SLC2A9: variants seen among roughly 807,000 people sequenced by gnomAD.
SLC2A9 encodes the protein solute carrier family 2 member 9, also known as solute carrier family 2, facilitated glucose transporter member 9.
A neutral mutation model predicts 50.6 loss-of-function variants in SLC2A9; 39 were observed. The ratio of observed to expected loss-of-function variants is 0.77; its 90% CI spans 0.60 to 1.01. SLC2A9 has a LOEUF of 1.01. Ranked by LOEUF, SLC2A9 falls within the 50% of genes least tolerant of loss-of-function variation. The pLI is 0.00. For missense variants in SLC2A9, 686 were observed against 677.6 expected (o/e 1.01, Z -0.14); for synonymous variants, 324 against 276.9 (o/e 1.17, Z -1.69).
chr4:10,026,002 T>C (rs546893465), upstream of SLC2A9: 24 of 1,607,802 alleles, frequency 1.5e-5, no homozygotes, highest in South Asian at 2.4e-4. Context: ...TTGTTGTTAT[T>C]GTTTCTGAGA....
At chr4:9,909,960 T>C (rs1741397218) in intron 7 of SLC2A9, among the ~76,000 whole-genome samples, 1 of 152,248 alleles carries the variant, frequency 6.6e-6, no homozygotes, top group Admixed American at 6.5e-5. Context: ...CTTGTTTCTA[T>C]AGATCTGTTT....
intron 3 of SLC2A9, chr4:9,995,642 G>A (rs1019963957): frequency 6.6e-6 from 1 of 152,162 alleles, no homozygotes; most frequent in Admixed American, 6.5e-5. Context: ...GTGATGTCAA[G>A]GTGATGATGA....
At chr4:9,808,655 C>T (rs1176516849) in intron 3 of SLC2A9, among the ~76,000 whole-genome samples, 2 of 152,232 alleles carry the variant, frequency 1.3e-5, no homozygotes, top group Non-Finnish European at 2.9e-5. Context: ...CAGCATCTTG[C>T]ACCCACAGAT....
intron 10 of SLC2A9, among the ~76,000 whole-genome samples, chr4:9,843,068 A>G (rs1449071970): frequency 6.6e-6 from 1 of 152,148 alleles, no homozygotes; most frequent in Admixed American, 6.5e-5. Context: ...TTTATCCACC[A>G]TGTCTCATCA....
At chr4:10,032,033 T>C (rs1387234773) in intron 1 of SLC2A9, among the ~76,000 whole-genome samples, 3 of 152,232 alleles carry the variant, frequency 2.0e-5, no homozygotes, top group Admixed American at 6.5e-5. Flanking sequence ...ATGGTGTATA[T>C]TGAGCACCTA....
chr4:9,977,133 G>T (rs1237356655), intron 5 of SLC2A9, among the ~76,000 whole-genome samples: 1 of 152,062 alleles, frequency 6.6e-6, no homozygotes, highest in Admixed American at 6.6e-5. Flanking sequence ...CCATGCTGCA[G>T]GCCAAAAGCC....
chr4:9,785,851 AGGCAGGGGTAATT>A (rs1378436698), intron 3 of SLC2A9, among the ~76,000 whole-genome samples: 2 of 152,228 alleles, frequency 1.3e-5, no homozygotes, highest in Non-Finnish European at 2.9e-5. Context: ...AGATAACGCC[AGGCAGGGGTAATT>A]GCTATGTTGC....
intron 11 of SLC2A9, among the ~76,000 whole-genome samples, chr4:9,829,117 G>C (rs1450704270): frequency 6.6e-6 from 1 of 152,102 alleles, no homozygotes; most frequent in Non-Finnish European, 1.5e-5. Flanking sequence ...AAGAACATGT[G>C]GCTCAGCCGA....
chr4:9,937,882 G>A (rs75919207), intron 6 of SLC2A9, among the ~76,000 whole-genome samples: 1,593 of 152,258 alleles, frequency 0.01, 21 homozygotes, highest in African/African-American at 0.036. Context: ...CCCTCAGCAA[G>A]AGCCTACAAA....
At chr4:9,913,724 G>C (rs1039828803) in intron 7 of SLC2A9, among the ~76,000 whole-genome samples, 3 of 152,222 alleles carry the variant, frequency 2.0e-5, no homozygotes, top group African/African-American at 7.2e-5. Flanking sequence ...TCCACCCAAG[G>C]AGGGGCTTGC....
chr4:9,973,954 T>A (rs1754351307), intron 5 of SLC2A9, among the ~76,000 whole-genome samples: 1 of 151,860 alleles, frequency 6.6e-6, no homozygotes. Context: ...AATCCAGTAG[T>A]ATATCAAAAG....
intron 3 of SLC2A9, chr4:9,783,846 T>G (rs1217026141): frequency 4.7e-6 from 1 of 211,296 alleles, no homozygotes; most frequent in Non-Finnish European, 1.0e-5. Flanking sequence ...GCAGGTTGTG[T>G]GTGTGTGCAG....
At chr4:10,013,838 G>C (rs928116456) in intron 2 of SLC2A9, among the ~76,000 whole-genome samples, 1 of 152,180 alleles carries the variant, frequency 6.6e-6, no homozygotes, top group East Asian at 1.9e-4. Context: ...TTATCTAACA[G>C]CTGGAAAGGC....
At chr4:9,966,454 G>A (rs147245476) in intron 5 of SLC2A9, among the ~76,000 whole-genome samples, 214 of 152,200 alleles carry the variant, frequency 1.4e-3, no homozygotes, top group African/African-American at 4.7e-3. Flanking sequence ...TCAGGAGTTC[G>A]AGACCAGCCT....
chr4:9,853,669 A>C (rs1313322404), intron 10 of SLC2A9, among the ~76,000 whole-genome samples: 1 of 152,226 alleles, frequency 6.6e-6, no homozygotes, highest in Non-Finnish European at 1.5e-5. Flanking sequence ...CATCTACTGA[A>C]TTCTCTACCC....
intron 5 of SLC2A9, among the ~76,000 whole-genome samples, chr4:9,943,017 C>A (rs1207614393): frequency 1.3e-5 from 2 of 152,176 alleles, no homozygotes; most frequent in South Asian, 2.1e-4. Context: ...AGGTGGGGCC[C>A]ATGGGAAGTT....
chr4:9,884,340 A>G (rs1032474242), intron 10 of SLC2A9, among the ~76,000 whole-genome samples: 1 of 152,130 alleles, frequency 6.6e-6, no homozygotes, highest in Non-Finnish European at 1.5e-5. Context: ...CTGCCATCAT[A>G]GCTCATTGTA....
intron 1 of SLC2A9, among the ~76,000 whole-genome samples, chr4:9,773,248 C>T (rs113678030): frequency 5.0e-4 from 76 of 152,274 alleles, no homozygotes; most frequent in African/African-American, 1.8e-3. Context: ...TTTCCACCTG[C>T]CCCTCCCCAT....
chr4:9,979,768 T>C (rs1250237488), intron 5 of SLC2A9, among the ~76,000 whole-genome samples: 1 of 152,138 alleles, frequency 6.6e-6, no homozygotes, highest in Non-Finnish European at 1.5e-5. Flanking sequence ...GTGAAGTCTG[T>C]GGTGGCTCAG....
Sources: allele counts gnomAD v4.1 joint callset (sites outside exome capture counted in the v4.1 genomes callset), GRCh38; gene constraint gnomAD v4.1.1; transcripts MANE v1.5; gene names NCBI Gene and HGNC (gene_info 2026-07-23, HGNC 2026-07-21).